Variants in ATG7 observed in about 807,000 individuals in gnomAD.
ATG7 encodes autophagy related 7.
A neutral mutation model predicts 82.4 loss-of-function variants in ATG7; 70 were observed. The ratio of observed to expected loss-of-function variants is 0.85; its 90% confidence interval spans 0.70 to 1.04. The LOEUF (loss-of-function observed/expected upper bound fraction) is 1.04, where lower values mean the gene tolerates loss of function less well. Ranked by LOEUF, ATG7 falls within the 50% of genes least tolerant of loss-of-function variation. The pLI is 0.00. For missense variants in ATG7, 792 were observed against 864.3 expected (o/e 0.92, Z 1.05); for synonymous variants, 287 against 313.0 (o/e 0.92, Z 0.88).
chr3:11,414,254 T>C (rs1013453660), intron 19 of ATG7, among the ~76,000 whole-genome samples: 3 of 152,068 alleles, frequency 2.0e-5, no homozygotes, highest in Non-Finnish European at 4.4e-5. Flanking sequence ...TTAGTAGAGA[T>C]GGAGTTTCAT....
chr3:11,447,641 T>C (rs899453617), intron 20 of ATG7, among the ~76,000 whole-genome samples: 2 of 152,172 alleles, frequency 1.3e-5, no homozygotes, highest in African/African-American at 4.8e-5. Flanking sequence ...CTTCCCCATA[T>C]AGCAAGAAAC....
intron 19 of ATG7, among the ~76,000 whole-genome samples, chr3:11,405,866 G>A (rs535759985): frequency 5.9e-5 from 9 of 152,062 alleles, no homozygotes; most frequent in Non-Finnish European, 1.0e-4. Context: ...GACATCCACC[G>A]CCTTGGCCTC....
At chr3:11,425,261 G>GC (rs2082269885) in intron 19 of ATG7, among the ~76,000 whole-genome samples, 1 of 152,158 alleles carries the variant, frequency 6.6e-6, no homozygotes, top group Non-Finnish European at 1.5e-5. Flanking sequence ...ATCGTGCCTG[G>GC]CCCAAACAGT....
Position 11,360,618 on chromosome 3 carries a change from T to C in ATG7, c.1517T>C (p.Val506Ala). Residue 506 changes from valine to alanine, a missense_variant, in exon 16 of 21, where the codon GTT (valine) becomes GCT (alanine). By Grantham distance (64) the Val-to-Ala change is moderately conservative (BLOSUM62 0). Coordinates refer to ENST00000693202, the MANE Select transcript of ATG7 (RefSeq NM_001349232.2). Reference protein sequence around the residue: ...INAALGFDTFVVMRHGLKKPK... With the variant: ...INAALGFDTFAVMRHGLKKPK... The stretch of plus-strand genomic sequence containing the variant: ...GCTGCTTTGGGATTTGACACATTTG[T>C]TGTCATGAGACATGGTCTGAAGAAA... 1 of 1,614,184 alleles carries C rather than the reference T, an allele frequency of 6.2e-7. No individual in the cohort carries two copies. Among genetic ancestry groups the C allele is most frequent in the Non-Finnish European group, 8.5e-7 (1 of 1,180,030 alleles).
chr3:11,345,134 G>A (rs955511984), intron 13 of ATG7, among the ~76,000 whole-genome samples: 25 of 152,144 alleles, frequency 1.6e-4, no homozygotes, highest in African/African-American at 5.8e-4. Context: ...GGCCGGGCAC[G>A]GTGGCTCACG....
intron 20 of ATG7, among the ~76,000 whole-genome samples, chr3:11,494,604 A>T (rs1461823747): frequency 1.3e-5 from 2 of 152,208 alleles, no homozygotes; most frequent in Non-Finnish European, 1.5e-5. Context: ...CTTTGGTTCC[A>T]TTTGGCAAAG....
chr3:11,429,134 G>A (rs1312996809), intron 20 of ATG7, among the ~76,000 whole-genome samples: 5 of 152,134 alleles, frequency 3.3e-5, no homozygotes, highest in Non-Finnish European at 5.9e-5. Flanking sequence ...AGCCAGATAC[G>A]GCTTGCAGGT....
At chr3:11,427,891 A>G (rs1384150296) in intron 20 of ATG7, among the ~76,000 whole-genome samples, 2 of 152,160 alleles carry the variant, frequency 1.3e-5, no homozygotes, top group African/African-American at 4.8e-5. Flanking sequence ...GTATGGTGGT[A>G]GAGCTATTTG....
intron 20 of ATG7, among the ~76,000 whole-genome samples, chr3:11,482,791 AC>A (rs1356952814): frequency 3.4e-5 from 5 of 146,784 alleles, no homozygotes; most frequent in African/African-American, 7.5e-5. Flanking sequence ...TCATTTTTGT[AC>A]CTTTTTTTTT....
chr3:11,558,166 C>T (rs570616053), downstream of ATG7: 148 of 261,276 alleles, frequency 5.7e-4, 2 homozygotes, highest in South Asian at 7.6e-3. Context: ...ACACACACCC[C>T]GGTCTCAAGA....
chr3:11,507,497 T>G (rs2091798786), intron 20 of ATG7, among the ~76,000 whole-genome samples: 1 of 152,216 alleles, frequency 6.6e-6, no homozygotes, highest in African/African-American at 2.4e-5. Context: ...ATTTGTGATA[T>G]TTCAAGACAA....
chr3:11,496,539 C>T (rs925033690), intron 20 of ATG7, among the ~76,000 whole-genome samples: 2 of 152,214 alleles, frequency 1.3e-5, no homozygotes, highest in Admixed American at 6.5e-5. Flanking sequence ...TGTGTCCTCG[C>T]TGGACCAGTG....
At chr3:11,444,388 A>C (rs566437104) in intron 20 of ATG7, among the ~76,000 whole-genome samples, 5 of 152,352 alleles carry the variant, frequency 3.3e-5, no homozygotes, top group African/African-American at 9.6e-5. Flanking sequence ...ACTAAAGAAT[A>C]GGGTTTGTCA....
At chr3:11,422,387 A>T (rs2082005736) in intron 19 of ATG7, among the ~76,000 whole-genome samples, 1 of 152,160 alleles carries the variant, frequency 6.6e-6, no homozygotes, top group African/African-American at 2.4e-5. Flanking sequence ...TGTTATGGAG[A>T]CAGCTTCTTT....
chr3:11,275,741 G>T (rs1941638720), intron 1 of ATG7, among the ~76,000 whole-genome samples: 1 of 152,048 alleles, frequency 6.6e-6, no homozygotes, highest in Non-Finnish European at 1.5e-5. Context: ...AATACTGGAG[G>T]TGCTGCTCTG....
At chr3:11,476,983 T>C in intron 20 of ATG7, among the ~76,000 whole-genome samples, 1 of 152,222 alleles carries the variant, frequency 6.6e-6, no homozygotes, top group East Asian at 1.9e-4. Context: ...GTTTTCCTTA[T>C]TAAAGCCCTC....
intron 14 of ATG7, among the ~76,000 whole-genome samples, chr3:11,353,933 C>A (rs1421117777): frequency 6.6e-6 from 1 of 152,206 alleles, no homozygotes; most frequent in Non-Finnish European, 1.5e-5. Flanking sequence ...CATGAGCACC[C>A]TTTACCCTGC....
At chr3:11,488,957 G>A (rs1252292992) in intron 20 of ATG7, among the ~76,000 whole-genome samples, 1 of 152,090 alleles carries the variant, frequency 6.6e-6, no homozygotes. Flanking sequence ...TCTATTGATT[G>A]GAATAGTTTC....
intron 20 of ATG7, among the ~76,000 whole-genome samples, chr3:11,500,188 T>C (rs1440700063): frequency 6.6e-6 from 1 of 152,090 alleles, no homozygotes; most frequent in Non-Finnish European, 1.5e-5. Context: ...ATGAACACAG[T>C]TGTATGGCAG....
Sources: gnomAD v4.1 joint callset for allele counts (sites outside exome capture counted in the v4.1 genomes callset) on GRCh38, gnomAD v4.1.1 for gene constraint, MANE v1.5 for transcripts, NCBI Gene and HGNC (gene_info 2026-07-23, HGNC 2026-07-21) for gene names.